The following CHODL variants were observed in gnomAD, a reference collection of about 807,000 sequenced individuals.
The protein encoded by CHODL is transmembrane protein MT75.
In CHODL, 29 loss-of-function variants were observed where a neutral mutation model predicts 34.5. The ratio of observed to expected loss-of-function variants is 0.84; its 90% CI spans 0.63 to 1.15. CHODL has a LOEUF of 1.15. Ranked by LOEUF, CHODL falls within the 50% of genes most tolerant of loss-of-function variation. CHODL has a pLI of 0.00. For synonymous variants in CHODL, 125 were observed against 116.1 expected (o/e 1.08, Z -0.49); for missense variants, 332 against 332.5 (o/e 1.00, Z 0.01).
intron 2 of CHODL, among the ~76,000 whole-genome samples, chr21:18,080,964 A>G (rs1272853962): frequency 6.6e-6 from 1 of 152,188 alleles, no homozygotes; most frequent in Non-Finnish European, 1.5e-5. Flanking sequence ...CTTGCAATCT[A>G]TGAGCATGGG....
intron 1 of CHODL, chr21:18,024,778 G>A (rs896798831): frequency 3.3e-5 from 5 of 152,144 alleles, no homozygotes; most frequent in African/African-American, 4.8e-5. Context: ...GAACTGTAAT[G>A]CCATGGGAGT....
At chr21:17,934,044 G>GAA (rs560435565) in intron 1 of CHODL, among the ~76,000 whole-genome samples, 8,796 of 123,586 alleles carry the variant, frequency 0.071, 755 homozygotes, top group African/African-American at 0.21. Context: ...TCTCAAAAAA[G>GAA]AAAAAAAAAA....
At chr21:18,074,534 C>T (rs942533731) in intron 2 of CHODL, among the ~76,000 whole-genome samples, 3 of 152,084 alleles carry the variant, frequency 2.0e-5, no homozygotes, top group Non-Finnish European at 2.9e-5. Flanking sequence ...GGGATGGATG[C>T]ATTGTATTTT....
intron 1 of CHODL, among the ~76,000 whole-genome samples, chr21:17,997,286 G>A (rs896088652): frequency 6.6e-6 from 1 of 152,212 alleles, no homozygotes; most frequent in African/African-American, 2.4e-5. Context: ...TATGGAGGGA[G>A]ACAGGGCATG....
At chr21:18,084,138 G>T (rs116754738) in intron 2 of CHODL, among the ~76,000 whole-genome samples, 1 of 152,120 alleles carries the variant, frequency 6.6e-6, no homozygotes, top group African/African-American at 2.4e-5. Context: ...ATGAGATATG[G>T]TTATTTGAAA....
At chr21:17,999,470 T>G (rs769918997) in intron 1 of CHODL, among the ~76,000 whole-genome samples, 174 of 152,166 alleles carry the variant, frequency 1.1e-3, no homozygotes, top group Admixed American at 2.4e-3. Context: ...CTGTATTAGT[T>G]TGTCTTCACA....
At chr21:17,940,133 C>T (rs561711650) in intron 1 of CHODL, among the ~76,000 whole-genome samples, 18 of 152,306 alleles carry the variant, frequency 1.2e-4, no homozygotes, top group South Asian at 6.2e-4. Context: ...TGTGGTTCCA[C>T]GGTCTGGCAT....
chr21:18,099,856 A>T (rs1054831290), intron 2 of CHODL: 4 of 152,108 alleles, frequency 2.6e-5, no homozygotes, highest in Admixed American at 6.6e-5. Flanking sequence ...ACTAATTGAG[A>T]TCCAACTCTG....
At chr21:18,120,938 A>G (rs1373036427) in intron 2 of CHODL, among the ~76,000 whole-genome samples, 1 of 152,072 alleles carries the variant, frequency 6.6e-6, no homozygotes, top group Admixed American at 6.6e-5. Flanking sequence ...GGAAGATGGC[A>G]TGACAAATAG....
intron 2 of CHODL, among the ~76,000 whole-genome samples, chr21:18,101,745 T>C (rs2065217213): frequency 6.6e-6 from 1 of 151,870 alleles, no homozygotes; most frequent in Non-Finnish European, 1.5e-5. Flanking sequence ...TGTCTGTACT[T>C]GTGAGTGTAT....
At chr21:18,226,467 A>G (rs2073932053) in intron 2 of CHODL, among the ~76,000 whole-genome samples, 1 of 151,802 alleles carries the variant, frequency 6.6e-6, no homozygotes, top group African/African-American at 2.4e-5. Context: ...TGCCCAGCCA[A>G]TTTTTCTGTT....
chr21:17,930,822 A>G (rs1306272224), intron 1 of CHODL, among the ~76,000 whole-genome samples: 1 of 152,166 alleles, frequency 6.6e-6, no homozygotes, highest in Non-Finnish European at 1.5e-5. Context: ...CCCTCTCTCT[A>G]TGAAGCAGCA....
intron 2 of CHODL, among the ~76,000 whole-genome samples, chr21:18,216,114 C>T (rs1166908252): frequency 2.6e-5 from 4 of 151,234 alleles, no homozygotes; most frequent in Non-Finnish European, 4.4e-5. Context: ...TATTTCCTTC[C>T]TTTCTTTCTT....
At chr21:17,998,585 C>T (rs8133226) in intron 1 of CHODL, among the ~76,000 whole-genome samples, 47,606 of 152,158 alleles carry the variant, frequency 0.31, 8,232 homozygotes, top group Middle Eastern at 0.39. Context: ...CATACATCTT[C>T]TAAAATCTAG....
intron 2 of CHODL, among the ~76,000 whole-genome samples, chr21:18,116,220 C>T (rs939605331): frequency 6.6e-6 from 1 of 152,154 alleles, no homozygotes; most frequent in Non-Finnish European, 1.5e-5. Flanking sequence ...GCAAAGTTTT[C>T]TCCTGAGATC....
chr21:17,947,619 A>T (rs1600996355), intron 1 of CHODL, among the ~76,000 whole-genome samples: 1 of 152,080 alleles, frequency 6.6e-6, no homozygotes. Flanking sequence ...AAAAGAAGAC[A>T]TACAGACGGC....
At chr21:18,121,427 C>A (rs1265774135) in intron 2 of CHODL, among the ~76,000 whole-genome samples, 2 of 152,186 alleles carry the variant, frequency 1.3e-5, no homozygotes, top group African/African-American at 4.8e-5. Context: ...ACTATGCCTA[C>A]AATTCCAGAC....
At chr21:17,977,536 A>G (rs529297194) in intron 1 of CHODL, among the ~76,000 whole-genome samples, 3 of 150,008 alleles carry the variant, frequency 2.0e-5, no homozygotes, top group African/African-American at 7.3e-5. Flanking sequence ...ATTTTTTTGT[A>G]TTTTTAGTAG....
chr21:18,080,247 C>T (rs774980429), intron 2 of CHODL, among the ~76,000 whole-genome samples: 27 of 151,890 alleles, frequency 1.8e-4, no homozygotes, highest in African/African-American at 3.4e-4. Context: ...CTTTGTTGGA[C>T]GCATAGTTTG....
Sources: gnomAD v4.1 joint callset for allele counts (sites outside exome capture counted in the v4.1 genomes callset) on GRCh38, gnomAD v4.1.1 for gene constraint, MANE v1.5 for transcripts, NCBI Gene and HGNC (gene_info 2026-07-23, HGNC 2026-07-21) for gene names.